Variants in CLVS1 observed in about 807,000 individuals in gnomAD.
The protein encoded by CLVS1 is clavesin-1.
A neutral mutation model predicts 33.1 loss-of-function variants in CLVS1; 10 were observed. The observed-to-expected ratio is 0.30, with a 90% CI of 0.19 to 0.51. CLVS1 has a LOEUF of 0.51. Among genes scored for constraint, CLVS1 ranks in the 20% least tolerant of loss-of-function variants. CLVS1 has a pLI of 0.97. For missense variants in CLVS1, 343 were observed against 433.4 expected, an observed-to-expected ratio of 0.79 and a Z score of 1.85; for synonymous variants, 163 against 166.1, an observed-to-expected ratio of 0.98 and a Z score of 0.14.
chr8:61,184,912 T>A (rs1807312610), intron 2 of CLVS1, among the ~76,000 whole-genome samples: 1 of 152,220 alleles, frequency 6.6e-6, no homozygotes, highest in African/African-American at 2.4e-5. Flanking sequence ...TATGCATTCA[T>A]AACATATAAT....
intron 3 of CLVS1, among the ~76,000 whole-genome samples, chr8:61,441,096 A>G (rs1816525027): frequency 1.3e-5 from 2 of 151,938 alleles, no homozygotes; most frequent in South Asian, 4.1e-4. Flanking sequence ...TTCTTAGAAG[A>G]CTCTTTTGCA....
At chr8:61,253,659 A>G (rs1166360240) in intron 2 of CLVS1, among the ~76,000 whole-genome samples, 1 of 152,106 alleles carries the variant, frequency 6.6e-6, no homozygotes, top group Non-Finnish European at 1.5e-5. Flanking sequence ...TTCTTGCTTC[A>G]TTTAATTCAT....
At chr8:61,319,151 T>C (rs963758869) in intron 2 of CLVS1, among the ~76,000 whole-genome samples, 1 of 152,190 alleles carries the variant, frequency 6.6e-6, no homozygotes, top group African/African-American at 2.4e-5. Flanking sequence ...TTTAATTTTG[T>C]CATGTTGTTT....
chr8:61,462,188 G>C (rs895371966), intron 5 of CLVS1, among the ~76,000 whole-genome samples: 1 of 152,130 alleles, frequency 6.6e-6, no homozygotes, highest in Non-Finnish European at 1.5e-5. Context: ...TGACGGTTGG[G>C]CTCAACTTCT....
intron 2 of CLVS1, among the ~76,000 whole-genome samples, chr8:61,303,332 C>T (rs990343531): frequency 6.6e-6 from 1 of 152,106 alleles, no homozygotes; most frequent in Admixed American, 6.5e-5. Context: ...TAACCTCAAA[C>T]AAATTACTTC....
At chr8:61,440,175 C>T (rs561081993) in intron 3 of CLVS1, among the ~76,000 whole-genome samples, 2 of 152,312 alleles carry the variant, frequency 1.3e-5, no homozygotes, top group East Asian at 3.9e-4. Context: ...GCTGCACCTC[C>T]TGCATTTTAC....
At chr8:61,290,713 C>T (rs1809955641) in intron 1 of CLVS1, among the ~76,000 whole-genome samples, 1 of 152,330 alleles carries the variant, frequency 6.6e-6, no homozygotes, top group African/African-American at 2.4e-5. Context: ...CTTCTCTACT[C>T]TTCCTGTTAC....
intron 2 of CLVS1, among the ~76,000 whole-genome samples, chr8:61,309,794 G>A (rs1002466008): frequency 2.6e-5 from 4 of 152,258 alleles, no homozygotes; most frequent in Non-Finnish European, 4.4e-5. Context: ...GGCAGTGGGA[G>A]ATGAGCATTA....
intron 1 of CLVS1, among the ~76,000 whole-genome samples, chr8:61,082,480 G>C (rs956896314): frequency 9.4e-5 from 14 of 149,024 alleles, no homozygotes; most frequent in South Asian, 8.5e-4. Flanking sequence ...CCAAAACAAA[G>C]AAACAAACAA....
At chr8:61,457,222 C>A (rs1377319323) in intron 4 of CLVS1, among the ~76,000 whole-genome samples, 1 of 152,138 alleles carries the variant, frequency 6.6e-6, no homozygotes, top group African/African-American at 2.4e-5. Context: ...CAGGCACAAG[C>A]CACTGCACGT....
intron 2 of CLVS1, among the ~76,000 whole-genome samples, chr8:61,313,239 AG>A (rs1810899443): frequency 6.6e-6 from 1 of 152,146 alleles, no homozygotes; most frequent in Non-Finnish European, 1.5e-5. Flanking sequence ...GAGCAGGTGA[AG>A]GGAAGGGAGT....
chr8:61,459,604 G>T, intron 5 of CLVS1, among the ~76,000 whole-genome samples: 1 of 151,604 alleles, frequency 6.6e-6, no homozygotes, highest in East Asian at 1.9e-4. Flanking sequence ...TGTGAAACCT[G>T]ATTTTTTAAG....
intron 2 of CLVS1, among the ~76,000 whole-genome samples, chr8:61,136,530 G>A (rs1806193264): frequency 6.6e-6 from 1 of 152,164 alleles, no homozygotes; most frequent in Non-Finnish European, 1.5e-5. Context: ...CATGTCCTTT[G>A]CAGGGACATG....
intron 2 of CLVS1, among the ~76,000 whole-genome samples, chr8:61,345,621 G>GGTGT (rs1554561987): frequency 2.7e-5 from 4 of 148,790 alleles, no homozygotes; most frequent in Middle Eastern, 3.5e-3. Flanking sequence ...AGCCTCTAGG[G>GGTGT]GTGTGTGTGT....
rs575976950 is a variant in CLVS1, at chr8:61,114,471, G to C, written c.-242-17299G>C. Among the ~76,000 whole-genome samples the C allele has an allele frequency of 5.9e-5, 9 of 152,292 alleles. No homozygotes were observed. In the South Asian group the frequency reaches 1.0e-3, roughly 18 times the overall value. ...GATGTAATGAAAGACCAGATTCCTA[G>C]ATAAAACCACTCTTGCCTTTAATGG... On this transcript the variant is annotated intron_variant, in intron 1 of 2. Coordinates refer to the CLVS1 transcript ENST00000522621.
At chr8:61,105,398 A>G (rs1258507014) in intron 1 of CLVS1, among the ~76,000 whole-genome samples, 1 of 152,112 alleles carries the variant, frequency 6.6e-6, no homozygotes, top group Non-Finnish European at 1.5e-5. Flanking sequence ...GTTCTTTCTT[A>G]TCTAGTCCAT....
rs185336502 is a variant in CLVS1 at position 61,308,546 on chromosome 8, A to G, written c.455+8264A>G. On this transcript the variant is annotated intron_variant, in intron 2 of 5. Coordinates refer to ENST00000325897, the MANE Select transcript of CLVS1 (RefSeq NM_173519.3). Reference sequence around the variant, plus strand: ...CACAGTCAGCAGGGGGAGCTGCTCAATGTTATCCGGTAGAACCGTATTAAG... The same window carrying G: ...CACAGTCAGCAGGGGGAGCTGCTCAGTGTTATCCGGTAGAACCGTATTAAG... 9.9e-5 allele frequency among the ~76,000 whole-genome samples: 15 copies of G among 152,214 alleles called. No homozygotes were observed. In the East Asian group the frequency reaches 2.9e-3, roughly 29 times the overall value.
intron 2 of CLVS1, among the ~76,000 whole-genome samples, chr8:61,183,887 G>A (rs921315767): frequency 1.3e-5 from 2 of 152,300 alleles, no homozygotes; most frequent in East Asian, 3.9e-4. Flanking sequence ...CAACGTTAGG[G>A]TATAATAAAA....
chr8:61,372,678 T>C (rs993635645), intron 2 of CLVS1, among the ~76,000 whole-genome samples: 1 of 152,200 alleles, frequency 6.6e-6, no homozygotes, highest in Non-Finnish European at 1.5e-5. Flanking sequence ...GTCTTTATGT[T>C]TCTTTAGGCT....
Sources: gnomAD v4.1 joint callset for allele counts (sites outside exome capture counted in the v4.1 genomes callset) on GRCh38, gnomAD v4.1.1 for gene constraint, MANE v1.5 for transcripts, NCBI Gene and HGNC (gene_info 2026-07-23, HGNC 2026-07-21) for gene names.